Variants in NR2F1-AS1 observed in about 807,000 individuals in gnomAD.
NR2F1-AS1 encodes the protein NR2F1 antisense RNA 1.
rs186725904 is a variant in NR2F1-AS1, at chr5:93,419,762, T to C, written n.639-24220A>G. ...CAAAATTGACACCCCTTTCCTCTCC[T>C]AGGTTCTGAGCAAATAAAGAAATAA... On this transcript the variant is annotated intron_variant and non_coding_transcript_variant, in intron 4 of 5. Transcript: ENST00000660523. 2.2e-4 allele frequency among the ~76,000 whole-genome samples: 34 copies of C among 152,282 alleles called. No homozygotes were observed. In the South Asian group the frequency reaches 4.1e-3, roughly 19 times the overall value.
intron 2 of NR2F1-AS1, among the ~76,000 whole-genome samples, chr5:93,557,366 A>G (rs982094124): frequency 2.0e-5 from 3 of 152,140 alleles, no homozygotes; most frequent in Admixed American, 2.0e-4. Flanking sequence ...TTGCTCTGTC[A>G]CTCACTAGTT....
intron 4 of NR2F1-AS1, among the ~76,000 whole-genome samples, chr5:93,474,492 T>G (rs544936921): frequency 2.0e-5 from 3 of 152,310 alleles, no homozygotes; most frequent in South Asian, 4.1e-4. Flanking sequence ...CTAGATGGCT[T>G]ATAAGCAACA....
intron 4 of NR2F1-AS1, among the ~76,000 whole-genome samples, chr5:93,479,408 T>C (rs759455534): frequency 6.6e-5 from 10 of 152,196 alleles, no homozygotes; most frequent in Non-Finnish European, 1.2e-4. Context: ...GTCAGTGTGC[T>C]GACTGACCAT....
At chr5:93,581,238 G>A (rs73772907), upstream of NR2F1-AS1, 17,855 of 152,452 alleles carry the variant, frequency 0.12, 1,253 homozygotes, top group African/African-American at 0.19. Flanking sequence ...ACGCCCTCGC[G>A]AGTCGAGGGG....
chr5:93,474,268 T>TA (rs1356275837), intron 4 of NR2F1-AS1, among the ~76,000 whole-genome samples: 9 of 152,224 alleles, frequency 5.9e-5, no homozygotes, highest in African/African-American at 2.2e-4. Flanking sequence ...AAAAGAATTG[T>TA]ATAGTAATTC....
intron 2 of NR2F1-AS1, among the ~76,000 whole-genome samples, chr5:93,556,858 C>A (rs965074650): frequency 6.6e-6 from 1 of 152,136 alleles, no homozygotes; most frequent in Non-Finnish European, 1.5e-5. Context: ...GAGTCAGTCG[C>A]CCAGTTTGTG....
At chr5:93,454,225 G>A (rs1210508481) in intron 4 of NR2F1-AS1, among the ~76,000 whole-genome samples, 5 of 152,130 alleles carry the variant, frequency 3.3e-5, no homozygotes, top group African/African-American at 4.8e-5. Context: ...AGGCTGTAGT[G>A]AGACATGATT....
At chr5:93,440,077 AT>A (rs1480642447) in intron 4 of NR2F1-AS1, among the ~76,000 whole-genome samples, 2 of 152,136 alleles carry the variant, frequency 1.3e-5, no homozygotes, top group Non-Finnish European at 2.9e-5. Flanking sequence ...AAAAAAGGGA[AT>A]TACAATCTTT....
At chr5:93,583,171 T>C (rs1753153520), upstream of NR2F1-AS1, 2 of 152,200 alleles carry the variant, frequency 1.3e-5, no homozygotes, top group South Asian at 2.1e-4. Context: ...TCAGTTTCAA[T>C]AGTAGTGTCA....
intron 4 of NR2F1-AS1, among the ~76,000 whole-genome samples, chr5:93,426,204 T>C (rs374382511): frequency 6.6e-6 from 1 of 150,466 alleles, no homozygotes; most frequent in Non-Finnish European, 1.5e-5. Context: ...CAAACCACCA[T>C]GCCCAGCTAA....
intron 4 of NR2F1-AS1, among the ~76,000 whole-genome samples, chr5:93,490,238 A>G (rs751150057): frequency 6.6e-6 from 1 of 152,200 alleles, no homozygotes; most frequent in Non-Finnish European, 1.5e-5. Flanking sequence ...CAAATACCCC[A>G]TTTCTCCTTC....
rs934054440 is a variant in NR2F1-AS1, at chr5:93,579,737, G to C, written n.313+730C>G. The stretch of plus-strand genomic sequence containing the variant: ...CTCTTCCTTTCAACACACCCCCTCT[G>C]TCCCCACCCCTGGGAGGCGACCCCC... On this transcript the variant is annotated intron_variant and non_coding_transcript_variant, in intron 1 of 5. Coordinates refer to ENST00000660523, the Ensembl canonical transcript of NR2F1-AS1. This position sits in a 1 kb window ranked among gnomAD's most constrained non-coding sequence, Gnocchi z 5.1. 4.6e-5 allele frequency among the ~76,000 whole-genome samples: 7 copies of C among 151,438 alleles called. No individual in the cohort carries two copies. The highest frequency in any genetic ancestry group is 2.0e-4 in the Admixed American group (3 of 15,232).
chr5:93,559,132 T>C (rs1166726630), intron 2 of NR2F1-AS1, among the ~76,000 whole-genome samples: 4 of 152,264 alleles, frequency 2.6e-5, no homozygotes, highest in African/African-American at 9.6e-5. Flanking sequence ...ACTGAAAATA[T>C]GTTGTTTGTT....
intron 4 of NR2F1-AS1, among the ~76,000 whole-genome samples, chr5:93,465,979 C>T (rs983026853): frequency 3.3e-5 from 5 of 151,652 alleles, no homozygotes; most frequent in Admixed American, 3.3e-4. Flanking sequence ...ATGTAAATGA[C>T]GAGTTGATGG....
intron 4 of NR2F1-AS1, among the ~76,000 whole-genome samples, chr5:93,434,886 T>C (rs1749401867): frequency 6.6e-6 from 1 of 152,230 alleles, no homozygotes; most frequent in African/African-American, 2.4e-5. Flanking sequence ...TGATGTTGTG[T>C]TCTTCTCAGT....
At chr5:93,585,532 C>T, upstream of NR2F1-AS1, 1 of 1,503,460 alleles carries the variant, frequency 6.7e-7, no homozygotes, top group Non-Finnish European at 9.2e-7. Flanking sequence ...CGCCCGCCTC[C>T]CTGGCTCTTT....
chr5:93,556,300 A>G (rs1752353448), intron 2 of NR2F1-AS1, among the ~76,000 whole-genome samples: 1 of 152,230 alleles, frequency 6.6e-6, no homozygotes, highest in African/African-American at 2.4e-5. Context: ...CAGTTTTTAT[A>G]TAAGAACAGA....
At chr5:93,578,330 C>T (rs1288919152) in intron 1 of NR2F1-AS1, among the ~76,000 whole-genome samples, 1 of 152,018 alleles carries the variant, frequency 6.6e-6, no homozygotes, top group Non-Finnish European at 1.5e-5. Context: ...GCTAGCAGCC[C>T]GCAAGGGGTA....
intron 4 of NR2F1-AS1, among the ~76,000 whole-genome samples, chr5:93,503,707 A>G (rs912726587): frequency 6.6e-6 from 1 of 152,232 alleles, no homozygotes; most frequent in Non-Finnish European, 1.5e-5. Context: ...TCCTGGGCAC[A>G]AAGTCTCCAG....
Sources: gnomAD v4.1 joint callset for allele counts (sites outside exome capture counted in the v4.1 genomes callset) on GRCh38, gnomAD v4.1.1 for gene constraint, Gnocchi (gnomAD v3.1) non-coding constraint, MANE v1.5 for transcripts, NCBI Gene and HGNC (gene_info 2026-07-23, HGNC 2026-07-21) for gene names.